The following UNC13C variants were observed in gnomAD, a reference collection of about 807,000 sequenced individuals.
UNC13C encodes unc-13 homolog C.
UNC13C carries 174 observed loss-of-function variants against 245.4 expected under a neutral mutation model. The observed-to-expected ratio is 0.71, with a 90% CI of 0.63 to 0.80. The LOEUF (loss-of-function observed/expected upper bound fraction) is 0.80. Ranked by LOEUF, UNC13C falls within the 30% of genes least tolerant of loss-of-function variation. The pLI, the probability that UNC13C is intolerant of heterozygous loss-of-function variation, is 0.00. For missense variants in UNC13C, 2,829 were observed against 2,602.9 expected, an observed-to-expected ratio of 1.09 and a Z score of -1.89; for synonymous variants, 992 against 895.1, an observed-to-expected ratio of 1.11 and a Z score of -1.93.
chr15:53,948,676 C>A, the UNC13C span: 1 of 151,386 alleles, frequency 6.6e-6, no homozygotes, highest in Non-Finnish European at 1.5e-5. Context: ...GGGCTAGGGC[C>A]TTTTATTTTC....
rs35716621 is a variant in UNC13C, at chr15:54,258,163, C to CAA, written c.3449-5999_3449-5998dup. 9.8e-4 allele frequency among the ~76,000 whole-genome samples: 148 copies of CAA among 150,484 alleles called. 2 individuals carry two copies. Among genetic ancestry groups the CAA allele is most frequent in the African/African-American group, 1.2e-3 (50 of 41,052 alleles). The stretch of plus-strand genomic sequence containing the variant: ...AATGCAGGTAAGGCTTTATGGATGT[C>CAA]AAAAAAATAAATAAGTTATTTTCTC... On this transcript the variant is annotated intron_variant, in intron 8 of 32. Transcript: ENST00000260323.
intron 24 of UNC13C, 86 bp from the exon 25 acceptor site, chr15:54,525,463 C>T (rs1384591160): frequency 2.4e-6 from 2 of 849,944 alleles, no homozygotes; most frequent in Non-Finnish European, 3.5e-6. Flanking sequence ...TTGAAGTTAC[C>T]ATATAATAAT....
chr15:54,148,781 G>A (rs139335767), intron 4 of UNC13C, among the ~76,000 whole-genome samples: 15 of 152,262 alleles, frequency 9.9e-5, no homozygotes, highest in African/African-American at 2.6e-4. Flanking sequence ...CTAGACATGG[G>A]CTGTTTCGAC....
intron 23 of UNC13C, among the ~76,000 whole-genome samples, chr15:54,511,096 A>T (rs935473289): frequency 6.6e-6 from 1 of 152,160 alleles, no homozygotes; most frequent in Non-Finnish European, 1.5e-5. Context: ...TGTACAATGT[A>T]TTTAACGTTA....
At chr15:54,032,508 G>A (rs1271287223) in intron 2 of UNC13C, among the ~76,000 whole-genome samples, 1 of 152,084 alleles carries the variant, frequency 6.6e-6, no homozygotes, top group Admixed American at 6.5e-5. Flanking sequence ...TTTAGCACAA[G>A]GTATCCAATT....
chr15:54,126,045 G>A (rs2031015959), intron 2 of UNC13C, among the ~76,000 whole-genome samples: 2 of 151,932 alleles, frequency 1.3e-5, no homozygotes, highest in Admixed American at 6.6e-5. Context: ...GTAATCCAAA[G>A]CAATGCAAGA....
chr15:53,857,065 G>A, the UNC13C span, among the ~76,000 whole-genome samples: 2 of 151,902 alleles, frequency 1.3e-5, no homozygotes, highest in African/African-American at 4.8e-5. Flanking sequence ...CAAAGTGCTG[G>A]GATTAGAGGC....
chr15:54,061,072 C>T (rs1218360220), intron 2 of UNC13C, among the ~76,000 whole-genome samples: 2 of 150,258 alleles, frequency 1.3e-5, no homozygotes, highest in Non-Finnish European at 2.9e-5. Flanking sequence ...ACATATGTAA[C>T]AAACGTGCAC....
At chr15:53,888,855 GT>G in the UNC13C span, among the ~76,000 whole-genome samples, 1 of 152,128 alleles carries the variant, frequency 6.6e-6, no homozygotes, top group East Asian at 1.9e-4. Flanking sequence ...AGATCAGATG[GT>G]TGTAGATGTG....
intron 4 of UNC13C, among the ~76,000 whole-genome samples, chr15:54,197,082 G>T (rs962536298): frequency 6.6e-6 from 1 of 152,008 alleles, no homozygotes; most frequent in Non-Finnish European, 1.5e-5. Flanking sequence ...AAAATTAAAG[G>T]TATAACATTT....
At chr15:54,011,324 G>A (rs1044517486) in intron 1 of UNC13C, among the ~76,000 whole-genome samples, 4 of 152,116 alleles carry the variant, frequency 2.6e-5, no homozygotes, top group African/African-American at 9.7e-5. Flanking sequence ...AACCAGTAAT[G>A]CCAGTCAGGA....
the UNC13C span, among the ~76,000 whole-genome samples, chr15:53,931,209 C>T: frequency 9.9e-3 from 1,504 of 152,102 alleles, 9 homozygotes; most frequent in Middle Eastern, 0.061. Flanking sequence ...TGCTCTGTCA[C>T]CCAGGCTGGA....
At chr15:54,322,223 G>A (rs1399110024) in intron 14 of UNC13C, 128 bp downstream of exon 14, 1 of 811,370 alleles carries the variant, frequency 1.2e-6, no homozygotes, top group Non-Finnish European at 1.8e-6. Context: ...AGCGTAATGG[G>A]TTCCAGCTCA....
intron 2 of UNC13C, among the ~76,000 whole-genome samples, chr15:54,058,663 G>A (rs183762033): frequency 2.6e-4 from 40 of 152,128 alleles, no homozygotes; most frequent in African/African-American, 9.2e-4. Context: ...AACCAAAATA[G>A]AGAATTTTAG....
chr15:54,225,166 CTGTCT>C (rs917966312), intron 4 of UNC13C, among the ~76,000 whole-genome samples: 7 of 120,600 alleles, frequency 5.8e-5, no homozygotes, highest in South Asian at 6.9e-4. Context: ...TCTGAGTTCT[CTGTCT>C]TTTTTTTTTT....
intron 30 of UNC13C, chr15:54,611,712 C>G (rs546073408): frequency 6.6e-6 from 1 of 152,228 alleles, no homozygotes; most frequent in Non-Finnish European, 1.5e-5. Context: ...TTAAATCAAG[C>G]TCTCTTAATA....
At chr15:54,260,729 T>C (rs1349644162) in intron 8 of UNC13C, among the ~76,000 whole-genome samples, 1 of 148,722 alleles carries the variant, frequency 6.7e-6, no homozygotes, top group Non-Finnish European at 1.5e-5. Flanking sequence ...TATATATAAC[T>C]TTATATATGT....
At chr15:54,434,091 A>G (rs2040930092) in intron 19 of UNC13C, among the ~76,000 whole-genome samples, 1 of 152,116 alleles carries the variant, frequency 6.6e-6, no homozygotes, top group Non-Finnish European at 1.5e-5. Flanking sequence ...GAAGACACAA[A>G]CAAATGGAAA....
chr15:54,010,357 A>G (rs1010749660), intron 1 of UNC13C, among the ~76,000 whole-genome samples: 17 of 152,326 alleles, frequency 1.1e-4, no homozygotes, highest in East Asian at 9.6e-4. Flanking sequence ...TGAGAGTACA[A>G]TGCAGGAGCA....
Sources: gnomAD v4.1 joint callset for allele counts (sites outside exome capture counted in the v4.1 genomes callset) on GRCh38, gnomAD v4.1.1 for gene constraint, MANE v1.5 for transcripts, NCBI Gene and HGNC (gene_info 2026-07-23, HGNC 2026-07-21) for gene names.